Variants in PIK3R5 observed in about 807,000 individuals in gnomAD.
The protein encoded by PIK3R5 is phosphoinositide 3-kinase regulatory subunit 5.
In PIK3R5, 32 loss-of-function variants were observed where a neutral mutation model predicts 94.9. The ratio of observed to expected loss-of-function variants is 0.34; its 90% CI spans 0.25 to 0.45. The LOEUF (loss-of-function observed/expected upper bound fraction) is 0.45. PIK3R5 is among the 20% of genes least tolerant of loss of function. The pLI, the probability that PIK3R5 is intolerant of heterozygous loss-of-function variation, is 1.00. For synonymous variants in PIK3R5, 443 were observed against 479.4 expected, an observed-to-expected ratio of 0.92 and a Z score of 0.99; for missense variants, 853 against 1,144.6, an observed-to-expected ratio of 0.75 and a Z score of 3.68.
At chr17:8,887,482 T>C (rs1691980675) in intron 11 of PIK3R5, 39 bp downstream of exon 11, 7 of 1,569,122 alleles carry the variant, frequency 4.5e-6, no homozygotes, top group Non-Finnish European at 5.2e-6. Flanking sequence ...TAGCCAGAAC[T>C]CTACTTTCCC....
intron 14 of PIK3R5, among the ~76,000 whole-genome samples, chr17:8,885,406 T>A (rs2089799691): frequency 7.9e-6 from 1 of 126,656 alleles, no homozygotes; most frequent in African/African-American, 3.1e-5. Flanking sequence ...GGGCCCCACC[T>A]ACCAGGCAAC....
chr17:8,902,220 A>G (rs1490706033), intron 5 of PIK3R5, among the ~76,000 whole-genome samples: 1 of 151,558 alleles, frequency 6.6e-6, no homozygotes, highest in Non-Finnish European at 1.5e-5. Context: ...GGACTAAAAA[A>G]AAAACCTCTT....
In PIK3R5 at chr17:8,904,551, C is replaced by G. The variant is rs1046111294; in HGVS notation, c.412+226G>C. Reference sequence around the variant, plus strand: ...GCCTGCTCCTACTTCCCCTAACAATCCCTCCTCGAGTTACCTCCCATATTT... The same window carrying G: ...GCCTGCTCCTACTTCCCCTAACAATGCCTCCTCGAGTTACCTCCCATATTT... On this transcript the variant is annotated intron_variant, in intron 5 of 18. Coordinates refer to ENST00000447110, the MANE Select transcript of PIK3R5 (RefSeq NM_001142633.3). The surrounding 1 kb of genome is among the most constrained non-coding windows in gnomAD (Gnocchi z 5.1). 6.6e-6 allele frequency among the ~76,000 whole-genome samples: 1 copy of G among 152,248 alleles called. No individual in the cohort carries two copies. The highest frequency in any genetic ancestry group is 2.4e-5 in the African/African-American group (1 of 41,468).
chr17:8,892,703 G>A lies in PIK3R5; in HGVS notation c.482+883C>T, dbSNP rs2090055939. ...TGTCTCAACATCTATCATTTTGTTT[G>A]TGTTTGTTTTCACCTAGAGGGAAGT... is the stretch of plus-strand genomic sequence containing the variant. On this transcript the variant is annotated intron_variant, in intron 6 of 18. Transcript: ENST00000447110. This position sits in a 1 kb window ranked among gnomAD's most constrained non-coding sequence, Gnocchi z 4.3. 6.6e-6 allele frequency among the ~76,000 whole-genome samples: 1 copy of A among 152,182 alleles called. No homozygotes were observed. Among genetic ancestry groups the A allele is most frequent in the Non-Finnish European group, 1.5e-5 (1 of 68,028 alleles).
intron 1 of PIK3R5, chr17:8,916,262 A>C (rs1375835231): frequency 6.6e-6 from 1 of 152,322 alleles, no homozygotes; most frequent in African/African-American, 2.4e-5. Flanking sequence ...TGAGTCAGTC[A>C]TCAGCTGTTT....
At position 8,955,697 on chromosome 17, in the gene PIK3R5, A is replaced by C. The variant is rs1370556678; in HGVS notation, c.-14+9899T>G. 1.3e-5 allele frequency among the ~76,000 whole-genome samples: 2 copies of C among 152,176 alleles called. No homozygotes were observed. The highest frequency in any genetic ancestry group is 2.9e-5 in the Non-Finnish European group (2 of 68,040). On this transcript the variant is annotated intron_variant, in intron 1 of 18. Coordinates refer to ENST00000447110, the MANE Select transcript of PIK3R5 (RefSeq NM_001142633.3). This position sits in a 1 kb window ranked among gnomAD's most constrained non-coding sequence, Gnocchi z 4.4. ...TGAGAGAAACAAGAGCCATGGAGAA[A>C]GGAAGCACCATCAAAACGGGCTGGG...
In PIK3R5 at chr17:8,953,986, T is replaced by TG. The variant is rs35673270; in HGVS notation, c.-14+11609dup. 4.6e-5 allele frequency among the ~76,000 whole-genome samples: 7 copies of TG among 151,818 alleles called. No homozygotes were observed. In the East Asian group the frequency reaches 1.4e-3, roughly 29 times the overall value. ...ATCATGCATGAGCTCTGAATTGGAA[T>TG]GGGGGAGTTATCGCTCCTGGGGAGT... On this transcript the variant is annotated intron_variant, in intron 1 of 18. Coordinates refer to ENST00000447110, the MANE Select transcript of PIK3R5 (RefSeq NM_001142633.3).
chr17:8,926,761 A>G (rs1470366419), intron 1 of PIK3R5, among the ~76,000 whole-genome samples: 1 of 152,216 alleles, frequency 6.6e-6, no homozygotes, highest in Non-Finnish European at 1.5e-5. Flanking sequence ...ACGGAGCCAA[A>G]CCATGTCACT....
Position 8,930,782 on chromosome 17 carries a change from C to G in PIK3R5, c.-13-19275G>C, listed in dbSNP as rs142012156. ...AAACAAAGTCAATGCCAAAAGAATG[C>G]GTAACATATTATTTCATTGCACAAT... On this transcript the variant is annotated intron_variant, in intron 1 of 18. Transcript: ENST00000447110. Among the ~76,000 whole-genome samples, 70 of 152,256 alleles carry G rather than the reference C, an allele frequency of 4.6e-4. 2 individuals carry two copies. The East Asian group carries it at 0.01, about 22-fold the overall frequency.
At chr17:8,908,146 C>G (rs2090435232) in intron 3 of PIK3R5, among the ~76,000 whole-genome samples, 1 of 152,140 alleles carries the variant, frequency 6.6e-6, no homozygotes, top group African/African-American at 2.4e-5. Flanking sequence ...GTTTCTCGGT[C>G]CATTTTGGAA....
At position 8,925,516 on chromosome 17, in the gene PIK3R5, GGATAGATA is replaced by G. The variant is rs141072056; in HGVS notation, c.-13-14017_-13-14010del. ...GATAGTAGATGGATAGATAGTAGATGGATAGATAGATAGATAGTAGATAGATAGTAGAT... is the reference window on the plus strand; with the variant it reads ...GATAGTAGATGGATAGATAGTAGATGGATAGATAGTAGATAGATAGTAGAT... On this transcript the variant is annotated intron_variant, in intron 1 of 18. Transcript: ENST00000447110. The surrounding 1 kb of genome is among the most constrained non-coding windows in gnomAD (Gnocchi z 5.1). Among the ~76,000 whole-genome samples the G allele has an allele frequency of 4.1e-5, 6 of 147,440 alleles. 1 individual carries two copies. The highest frequency in any genetic ancestry group is 1.6e-4 in the African/African-American group (6 of 38,422).
At chr17:8,901,329 G>T (rs2090277361) in intron 5 of PIK3R5, among the ~76,000 whole-genome samples, 2 of 152,200 alleles carry the variant, frequency 1.3e-5, no homozygotes, top group Non-Finnish European at 2.9e-5. Flanking sequence ...TGAGGACCTT[G>T]TTATAGGTAG....
At position 8,879,642 on chromosome 17, in the gene PIK3R5, A is replaced by G. The variant is rs770857584; in HGVS notation, c.*997T>C. The G allele has an allele frequency of 3.3e-5, 5 of 152,222 alleles. No homozygotes were observed. Among genetic ancestry groups the G allele is most frequent in the Admixed American group, 2.0e-4 (3 of 15,282 alleles). 9.4% of individuals were successfully genotyped at this position (152,222 alleles called of 1,614,324 possible). ...CCTCTGGAATGTCTCTTCCCTCTTC[A>G]GTCTGGGTTCTGCCTCAGCCACGAA... On this transcript the variant is annotated 3_prime_UTR_variant, in exon 19 of 19. Coordinates refer to ENST00000447110, the MANE Select transcript of PIK3R5 (RefSeq NM_001142633.3). The surrounding 1 kb of genome is among the most constrained non-coding windows in gnomAD (Gnocchi z 4.4).
At position 8,935,068 on chromosome 17, in the gene PIK3R5, A is replaced by G. The variant is rs763105784; in HGVS notation, c.-13-23561T>C. On this transcript the variant is annotated intron_variant, in intron 1 of 18. Transcript: ENST00000447110. This position sits in a 1 kb window ranked among gnomAD's most constrained non-coding sequence, Gnocchi z 4.5. ...ATGCATTCTTCTGTCTTCCATTTCC[A>G]GGTCACTTCTTCAGGGGAGATCTTC... Among the ~76,000 whole-genome samples, 11 of 151,980 alleles carry G rather than the reference A, an allele frequency of 7.2e-5. No individual in the cohort carries two copies. Among genetic ancestry groups the G allele is most frequent in the African/African-American group, 1.2e-4 (5 of 41,348 alleles).
rs184695947 is a variant in PIK3R5 at position 8,927,331 on chromosome 17, C to T, written c.-13-15824G>A. On this transcript the variant is annotated intron_variant, in intron 1 of 18. Coordinates refer to ENST00000447110, the MANE Select transcript of PIK3R5 (RefSeq NM_001142633.3). The stretch of plus-strand genomic sequence containing the variant: ...CCTCCACCAGCAAAAGCCAGTTAAT[C>T]GGCTTAGACTTCCACCCTGGCCAGG... Among the ~76,000 whole-genome samples the T allele has an allele frequency of 2.9e-3, 438 of 152,356 alleles. 3 individuals are homozygous for T. Among genetic ancestry groups the T allele is most frequent in the South Asian group, 1.7e-3 (8 of 4,832 alleles).
chr17:8,881,567 A>G lies in PIK3R5; in HGVS notation c.2382+63T>C. ...CATGTGCACACACACGTACACACAT[A>G]CGCACATGCACGCTCCAGTAAGTCT... On this transcript the variant is annotated intron_variant, in intron 17 of 18. Transcript: ENST00000447110. This position sits in a 1 kb window ranked among gnomAD's most constrained non-coding sequence, Gnocchi z 4.8. The G allele has an allele frequency of 8.0e-7, 1 of 1,256,030 alleles. No individual in the cohort carries two copies. The allele number at this position is 1,256,030 out of a possible 1,614,324, so 77.8% of individuals were successfully genotyped here. A position where few individuals can be genotyped will look rare whatever the true frequency, so the allele number is the denominator to read the frequency against.
At chr17:8,921,475 C>G (rs562174388) in intron 1 of PIK3R5, among the ~76,000 whole-genome samples, 1 of 151,986 alleles carries the variant, frequency 6.6e-6, no homozygotes, top group African/African-American at 2.4e-5. Flanking sequence ...TTTTCACCCT[C>G]GAAATGTTCA....
intron 1 of PIK3R5, among the ~76,000 whole-genome samples, chr17:8,918,502 G>C (rs1295839082): frequency 2.6e-5 from 4 of 152,158 alleles, no homozygotes; most frequent in African/African-American, 7.2e-5. Flanking sequence ...ATAATTAAAT[G>C]TTATAGATAA....
chr17:8,887,554 G>A lies in PIK3R5; in HGVS notation c.1746C>T (p.Pro582=). The part of the protein sequence containing the change: ...CPPPRSQTPS[P]PTDSPRHASP... ...TGGCGTGCCTAGGGGAGTCTGTCGG[G>A]GGTGAGGGCGTCTGGCTCCGAGGGG... is the stretch of plus-strand genomic sequence containing the variant. Residue 582 remains proline, a synonymous_variant, in exon 11 of 19, where the codon CCC becomes CCT. Transcript: ENST00000447110. 6.2e-7 allele frequency: 1 copy of A among 1,608,372 alleles called. No homozygotes were observed. The highest frequency in any genetic ancestry group is 8.5e-7 in the Non-Finnish European group (1 of 1,177,696).
Sources: gnomAD v4.1 joint callset for allele counts (sites outside exome capture counted in the v4.1 genomes callset) on GRCh38, gnomAD v4.1.1 for gene constraint, Gnocchi (gnomAD v3.1) non-coding constraint, MANE v1.5 for transcripts, NCBI Gene and HGNC (gene_info 2026-07-23, HGNC 2026-07-21) for gene names.